Variants in RALYL observed in about 807,000 individuals in gnomAD.
RALYL encodes RNA-binding Raly-like protein.
RALYL carries 29 observed loss-of-function variants against 35.1 expected under a neutral mutation model. The observed-to-expected ratio is 0.83, with a 90% confidence interval of 0.61 to 1.13. The LOEUF (loss-of-function observed/expected upper bound fraction) is 1.13. Among genes scored for constraint, RALYL ranks in the 50% most tolerant of loss-of-function variants. The pLI is 0.00. For synonymous variants in RALYL, 120 were observed against 127.6 expected (o/e 0.94, Z 0.40); for missense variants, 359 against 360.4 (o/e 1.00, Z 0.03).
chr8:84,635,303 T>C (rs999237369), intron 2 of RALYL, among the ~76,000 whole-genome samples: 1 of 151,672 alleles, frequency 6.6e-6, no homozygotes, highest in East Asian at 1.9e-4. Flanking sequence ...TTACATCCCT[T>C]CCAATTGTTT....
chr8:84,812,117 T>A (rs1324252788), intron 4 of RALYL, among the ~76,000 whole-genome samples: 1 of 152,136 alleles, frequency 6.6e-6, no homozygotes, highest in Non-Finnish European at 1.5e-5. Context: ...TTCCCTTTCA[T>A]TTGGGTAGGC....
At chr8:84,715,859 T>C (rs1019633704) in intron 2 of RALYL, among the ~76,000 whole-genome samples, 1 of 152,132 alleles carries the variant, frequency 6.6e-6, no homozygotes, top group Non-Finnish European at 1.5e-5. Flanking sequence ...GAAAACATTA[T>C]ATGTGTGTAA....
At chr8:84,441,165 T>A (rs2048292726) in intron 1 of RALYL, among the ~76,000 whole-genome samples, 2 of 152,130 alleles carry the variant, frequency 1.3e-5, no homozygotes, top group Admixed American at 6.6e-5. Flanking sequence ...AACTTGGAAT[T>A]ATAAATTTGT....
chr8:84,753,269 T>A (rs988346003), intron 2 of RALYL, among the ~76,000 whole-genome samples: 3 of 152,182 alleles, frequency 2.0e-5, no homozygotes, highest in Non-Finnish European at 4.4e-5. Flanking sequence ...TTTACCCAAC[T>A]CTTGTAACTC....
At chr8:84,674,887 C>T (rs1313350002) in intron 2 of RALYL, among the ~76,000 whole-genome samples, 1 of 151,546 alleles carries the variant, frequency 6.6e-6, no homozygotes, top group Non-Finnish European at 1.5e-5. Context: ...AAAGTAAGCA[C>T]AGTTTGAGTT....
At chr8:84,446,394 A>G (rs939774855) in intron 1 of RALYL, among the ~76,000 whole-genome samples, 1 of 151,440 alleles carries the variant, frequency 6.6e-6, no homozygotes, top group South Asian at 2.1e-4. Flanking sequence ...AAAAAAAAGG[A>G]AAAATACAGA....
chr8:84,399,353 C>T (rs2131937385), intron 1 of RALYL, among the ~76,000 whole-genome samples: 1 of 152,182 alleles, frequency 6.6e-6, no homozygotes, highest in South Asian at 2.1e-4. Context: ...TCTTGTAATC[C>T]CTCTGTAGGA....
At chr8:84,620,329 T>A (rs1432058210) in intron 2 of RALYL, among the ~76,000 whole-genome samples, 1 of 152,158 alleles carries the variant, frequency 6.6e-6, no homozygotes, top group African/African-American at 2.4e-5. Flanking sequence ...CCCTTCTCGC[T>A]TCATTTCATT....
intron 2 of RALYL, among the ~76,000 whole-genome samples, chr8:84,678,285 A>T (rs1301168393): frequency 6.6e-6 from 1 of 151,980 alleles, no homozygotes; most frequent in Non-Finnish European, 1.5e-5. Flanking sequence ...TGTTTTTGAG[A>T]TGGAGTCTCA....
chr8:84,590,314 G>A (rs1358012809), intron 2 of RALYL, among the ~76,000 whole-genome samples: 1 of 152,094 alleles, frequency 6.6e-6, no homozygotes, highest in Non-Finnish European at 1.5e-5. Context: ...ATTTCTACAG[G>A]ATATCTCATG....
At position 84,792,566 on chromosome 8, in the gene RALYL, G is replaced by A. The variant is rs188358650; in HGVS notation, c.333-12204G>A. Among the ~76,000 whole-genome samples the A allele has an allele frequency of 8.4e-4, 128 of 152,246 alleles. 1 individual carries two copies. The highest frequency in any genetic ancestry group is 3.4e-3 in the Middle Eastern group (1 of 294). ...AACAGGAATGCCTTTTCTCATTTAG[G>A]GCCACGGGTTTCCAGGCTTAAGGGT... On this transcript the variant is annotated intron_variant, in intron 3 of 8. Transcript: ENST00000521268.
Position 84,683,229 on chromosome 8 carries a change from T to G in RALYL, c.257-91350T>G, listed in dbSNP as rs572895479. 9.8e-5 allele frequency among the ~76,000 whole-genome samples: 15 copies of G among 152,332 alleles called. No homozygotes were observed. The South Asian group carries it at 3.1e-3, about 32-fold the overall frequency. On this transcript the variant is annotated intron_variant, in intron 2 of 8. Coordinates refer to ENST00000521268, the MANE Select transcript of RALYL (RefSeq NM_173848.7). The stretch of plus-strand genomic sequence containing the variant: ...AGACAGTTTCTTATAATTTCTGTTC[T>G]TTTGCATTTGCTGAGGAGAGCTTTA...
At chr8:84,405,882 C>T (rs1167136789) in intron 1 of RALYL, among the ~76,000 whole-genome samples, 2 of 139,600 alleles carry the variant, frequency 1.4e-5, no homozygotes, top group Non-Finnish European at 3.0e-5. Flanking sequence ...CTCAGTGGCA[C>T]GATCTCGGCT....
At chr8:84,472,955 G>A (rs1200654079) in intron 1 of RALYL, among the ~76,000 whole-genome samples, 1 of 152,040 alleles carries the variant, frequency 6.6e-6, no homozygotes, top group Non-Finnish European at 1.5e-5. Context: ...GAAGTCATCA[G>A]ACCAAAATTC....
chr8:84,585,546 A>G (rs573191331), intron 2 of RALYL, among the ~76,000 whole-genome samples: 3 of 152,190 alleles, frequency 2.0e-5, no homozygotes, highest in South Asian at 2.1e-4. Context: ...TACATATTCA[A>G]TAATTATTGT....
chr8:84,631,421 T>C (rs1176936220), intron 2 of RALYL, among the ~76,000 whole-genome samples: 1 of 151,936 alleles, frequency 6.6e-6, no homozygotes, highest in Middle Eastern at 3.2e-3. Context: ...ACTTTCTCGT[T>C]TGAAAAACAA....
intron 1 of RALYL, among the ~76,000 whole-genome samples, chr8:84,477,842 G>C (rs2053601151): frequency 6.6e-6 from 1 of 151,814 alleles, no homozygotes; most frequent in African/African-American, 2.4e-5. Flanking sequence ...GGAGTAAGAG[G>C]AAGATATGAC....
intron 1 of RALYL, among the ~76,000 whole-genome samples, chr8:84,492,590 A>T (rs946290259): frequency 6.6e-6 from 1 of 152,044 alleles, no homozygotes; most frequent in African/African-American, 2.4e-5. Context: ...GAAACTGCTC[A>T]TGCTTTTTTA....
intron 4 of RALYL, among the ~76,000 whole-genome samples, chr8:84,816,936 A>G (rs1827449560): frequency 6.6e-6 from 1 of 152,222 alleles, no homozygotes; most frequent in South Asian, 2.1e-4. Context: ...TTTTAAAATT[A>G]TAAAAAGAAA....
Sources: allele counts gnomAD v4.1 joint callset (sites outside exome capture counted in the v4.1 genomes callset), GRCh38; gene constraint gnomAD v4.1.1; transcripts MANE v1.5; gene names NCBI Gene and HGNC (gene_info 2026-07-23, HGNC 2026-07-21).